The following KLRG1 variants were observed in gnomAD, a reference collection of about 807,000 sequenced individuals.
KLRG1 encodes killer cell lectin-like receptor subfamily G member 1.
KLRG1 carries 16 observed loss-of-function variants against 21.8 expected under a neutral mutation model. The ratio of observed to expected loss-of-function variants is 0.73; its 90% CI spans 0.50 to 1.11. The LOEUF is 1.11. Among genes scored for constraint, KLRG1 ranks in the 50% most tolerant of loss-of-function variants. KLRG1 has a pLI of 0.00. For synonymous variants in KLRG1, 69 were observed against 75.9 expected (o/e 0.91, Z 0.47); for missense variants, 173 against 218.3 (o/e 0.79, Z 1.31).
At chr12:9,110,320 G>A in the KLRG1 span, 1 of 1,456,932 alleles carries the variant, frequency 6.9e-7, no homozygotes, top group Non-Finnish European at 9.3e-7. Context: ...TTACCTGAAT[G>A]TATACTAGTG....
At chr12:9,140,660 C>G in the KLRG1 span, among the ~76,000 whole-genome samples, 1 of 152,170 alleles carries the variant, frequency 6.6e-6, no homozygotes, top group South Asian at 2.1e-4. Context: ...AAAGCTGAGC[C>G]CAGTCATGGA....
At chr12:9,094,942 G>T in the KLRG1 span, 2 of 1,199,204 alleles carry the variant, frequency 1.7e-6, no homozygotes, top group South Asian at 1.7e-5. Context: ...GAATATATTA[G>T]GCAATATATA....
At chr12:9,067,459 C>T in the KLRG1 span, 1 of 294,390 alleles carries the variant, frequency 3.4e-6, no homozygotes, top group Non-Finnish European at 6.5e-6. Flanking sequence ...TAAAAATTCA[C>T]CCTTTGGGTT....
the KLRG1 span, among the ~76,000 whole-genome samples, chr12:9,032,546 C>A: frequency 7.7e-4 from 118 of 152,258 alleles, no homozygotes; most frequent in African/African-American, 2.8e-3. Flanking sequence ...TAAAACTAAA[C>A]CACCTCTGTA....
chr12:9,084,696 C>A, the KLRG1 span, among the ~76,000 whole-genome samples: 1 of 151,926 alleles, frequency 6.6e-6, no homozygotes, highest in African/African-American at 2.4e-5. Flanking sequence ...ACCTTGAATG[C>A]AAATGGACTA....
At chr12:9,203,354 T>TC in the KLRG1 span, among the ~76,000 whole-genome samples, 1 of 139,326 alleles carries the variant, frequency 7.2e-6, no homozygotes, top group Non-Finnish European at 1.5e-5. Flanking sequence ...TTTTTTTTTT[T>TC]TTTTTGAGAC....
chr12:9,112,955 T>C, the KLRG1 span, among the ~76,000 whole-genome samples: 1 of 152,146 alleles, frequency 6.6e-6, no homozygotes, highest in Non-Finnish European at 1.5e-5. Context: ...TATTACACCT[T>C]TGCTCAGGGT....
the KLRG1 span, chr12:9,169,286 T>A: frequency 1.8e-5 from 15 of 841,608 alleles, no homozygotes; most frequent in South Asian, 3.2e-4. Context: ...CAAGAGACTT[T>A]AACCTTTTTA....
chr12:8,969,061 C>T (rs1371036786), intron 1 of KLRG1, among the ~76,000 whole-genome samples: 3 of 152,142 alleles, frequency 2.0e-5, no homozygotes, highest in Non-Finnish European at 4.4e-5. Flanking sequence ...TCTCCTCTCC[C>T]ATCTCCAGCC....
chr12:9,028,149 C>CTTTT, the KLRG1 span: 1,015 of 484,146 alleles, frequency 2.1e-3, 1 homozygote, highest in South Asian at 4.2e-3. Context: ...TCGTCTTCTT[C>CTTTT]TTTTTTTTTT....
chr12:9,065,607 A>G, the KLRG1 span, among the ~76,000 whole-genome samples: 2 of 152,184 alleles, frequency 1.3e-5, no homozygotes, highest in Non-Finnish European at 2.9e-5. Flanking sequence ...ACTGACTTGC[A>G]GGCGCTCCTT....
At chr12:9,046,705 A>G in the KLRG1 span, among the ~76,000 whole-genome samples, 1 of 152,214 alleles carries the variant, frequency 6.6e-6, no homozygotes, top group Admixed American at 6.5e-5. Context: ...AAAAACAAAA[A>G]TTGAGAGAAA....
chr12:9,086,737 A>G, the KLRG1 span, among the ~76,000 whole-genome samples: 1 of 152,380 alleles, frequency 6.6e-6, no homozygotes, highest in Non-Finnish European at 1.5e-5. Flanking sequence ...CAAGACAAGG[A>G]TACCCACTGC....
chr12:9,076,043 G>C, the KLRG1 span, among the ~76,000 whole-genome samples: 2 of 152,102 alleles, frequency 1.3e-5, no homozygotes, highest in Non-Finnish European at 2.9e-5. Flanking sequence ...CGCTCATATA[G>C]ACCATGGTAT....
the KLRG1 span, chr12:9,093,627 C>A: frequency 9.6e-7 from 1 of 1,044,370 alleles, no homozygotes; most frequent in Non-Finnish European, 1.3e-6. Context: ...ACAGATAAAG[C>A]TTATGAGAGA....
the KLRG1 span, among the ~76,000 whole-genome samples, chr12:9,120,209 A>G: frequency 2.0e-5 from 3 of 152,236 alleles, no homozygotes; most frequent in Non-Finnish European, 4.4e-5. Context: ...AGCATCCATC[A>G]GTGTTTCCAG....
At chr12:9,192,715 A>C in the KLRG1 span, 6 of 1,612,422 alleles carry the variant, frequency 3.7e-6, no homozygotes, top group East Asian at 1.1e-4. Context: ...TAGTGAAAAC[A>C]CAAGTTGGGA....
At chr12:9,194,863 G>T in the KLRG1 span, among the ~76,000 whole-genome samples, 1 of 152,208 alleles carries the variant, frequency 6.6e-6, no homozygotes, top group South Asian at 2.1e-4. Context: ...TTCCCTTTTC[G>T]CATAGACGGA....
the KLRG1 span, chr12:9,180,874 T>C: frequency 1.6e-6 from 2 of 1,215,982 alleles, no homozygotes; most frequent in Non-Finnish European, 2.2e-6. Flanking sequence ...ACCTACAAAA[T>C]GGGAGAAAAT....
Sources: allele counts gnomAD v4.1 joint callset (sites outside exome capture counted in the v4.1 genomes callset), GRCh38; gene constraint gnomAD v4.1.1; transcripts MANE v1.5; gene names NCBI Gene and HGNC (gene_info 2026-07-23, HGNC 2026-07-21).